The following BRD7 variants were observed in gnomAD, a reference collection of about 807,000 sequenced individuals.
BRD7 encodes bromodomain-containing protein 7.
Under a neutral mutation model 82.1 loss-of-function variants are expected in BRD7, and 15 were observed. The ratio of observed to expected loss-of-function variants is 0.18; its 90% CI spans 0.12 to 0.28. The LOEUF (loss-of-function observed/expected upper bound fraction) is 0.28, where lower values mean the gene tolerates loss of function less well. BRD7 is among the 10% of genes least tolerant of loss of function. The probability of loss-of-function intolerance (pLI) is 1.00; values close to 1 mark genes in which losing one functional copy is unlikely to be tolerated. For synonymous variants in BRD7, 232 were observed against 266.9 expected (o/e 0.87, Z 1.27); for missense variants, 638 against 779.9 (o/e 0.82, Z 2.17).
In BRD7 at chr16:50,320,707, G is replaced by T. The variant is rs574972855; in HGVS notation, c.1568C>A (p.Ala523Glu). The T allele has an allele frequency of 6.2e-7, 1 of 1,614,020 alleles. No homozygotes were observed. Among genetic ancestry groups the T allele is most frequent in the African/African-American group, 1.3e-5 (1 of 74,922 alleles). ...STQDRLIALK[A>E]VTNFGVPVEV... ...AACTGGAACGCCAAAATTTGTTACT[G>T]CTTTCAGCGCTATGAGCCTGTCTTG... The change falls in exon 14 of 17, where the codon GCA becomes GAA. Residue 523 changes from alanine (A) to glutamate (E), a missense_variant. Transcript: ENST00000394688.
rs1368318728 is a variant in BRD7 at position 50,316,696 on chromosome 16, T to C, written c.*2515A>G. ...AATGCAAAAAGCCAGGTTTTGGGGA[T>C]GTGTCTTACTGTGCTTCAACTTCCC... On this transcript the variant is annotated 3_prime_UTR_variant, in exon 17 of 17. Transcript: ENST00000394688. 1 of 152,340 alleles carries C rather than the reference T, an allele frequency of 6.6e-6. No individual in the cohort carries two copies. The highest frequency in any genetic ancestry group is 1.5e-5 in the Non-Finnish European group (1 of 68,040). 9.4% of individuals were successfully genotyped at this position (152,340 alleles called of 1,614,324 possible).
intron 14 of BRD7, 115 bp downstream of exon 14, chr16:50,320,547 TG>T: frequency 7.1e-7 from 1 of 1,411,064 alleles, no homozygotes; most frequent in Non-Finnish European, 1.0e-6. Context: ...TCATTTAACT[TG>T]GTAAGCCAAG....
intron 5 of BRD7, among the ~76,000 whole-genome samples, chr16:50,348,533 A>G (rs2038381920): frequency 6.6e-6 from 1 of 152,252 alleles, no homozygotes; most frequent in Non-Finnish European, 1.5e-5. Context: ...GCTAATATCC[A>G]GAATCTACAA....
At chr16:50,364,719 A>T (rs886974516) in intron 2 of BRD7, among the ~76,000 whole-genome samples, 1 of 152,254 alleles carries the variant, frequency 6.6e-6, no homozygotes, top group Non-Finnish European at 1.5e-5. Context: ...GTGTACAAAG[A>T]TGTGTGTACA....
Position 50,319,064 on chromosome 16 carries a change from C to CAAGT in BRD7, c.*143_*146dup. 1.3e-6 allele frequency: 1 copy of CAAGT among 748,334 alleles called. No homozygotes were observed. The highest frequency in any genetic ancestry group is 2.2e-6 in the Non-Finnish European group (1 of 463,382). The allele number at this position is 748,334 out of a possible 1,614,324, so 46.4% of individuals were successfully genotyped here. On this transcript the variant is annotated 3_prime_UTR_variant, in exon 17 of 17. Transcript: ENST00000394688. ...CCAGGTCCAGCTTTATTACCTAATA[C>CAAGT]AAGTCCAACCTCTGGAACATCCAAA...
intron 11 of BRD7, among the ~76,000 whole-genome samples, chr16:50,324,665 A>G (rs756999675): frequency 4.6e-5 from 7 of 152,006 alleles, no homozygotes; most frequent in Non-Finnish European, 1.0e-4. Context: ...TTTTTGCTCA[A>G]CTTTCCCTTT....
intron 4 of BRD7, among the ~76,000 whole-genome samples, chr16:50,353,582 A>G (rs749270890): frequency 6.6e-6 from 1 of 151,356 alleles, no homozygotes; most frequent in Non-Finnish European, 1.5e-5. Flanking sequence ...CAAAATAAAT[A>G]TATTTTATTT....
At chr16:50,331,119 G>A (rs1226476574) in intron 8 of BRD7, among the ~76,000 whole-genome samples, 1 of 152,096 alleles carries the variant, frequency 6.6e-6, no homozygotes, top group African/African-American at 2.4e-5. Flanking sequence ...TATATGTAAA[G>A]AGGTGAAAGA....
At chr16:50,321,838 G>C (rs760893445) in intron 13 of BRD7, 144 bp downstream of exon 13, 24 of 710,536 alleles carry the variant, frequency 3.4e-5, no homozygotes, top group Non-Finnish European at 5.5e-5. Flanking sequence ...ATGCATTTAT[G>C]GTTTGCCATT....
chr16:50,340,459 T>TA (rs1239889312), intron 5 of BRD7, among the ~76,000 whole-genome samples: 4 of 151,934 alleles, frequency 2.6e-5, no homozygotes, highest in South Asian at 4.1e-4. Context: ...TTCATGTAAA[T>TA]AAAAAAAATA....
At chr16:50,362,751 G>C (rs911947367) in intron 2 of BRD7, among the ~76,000 whole-genome samples, 41 of 152,214 alleles carry the variant, frequency 2.7e-4, no homozygotes, top group Admixed American at 5.9e-4. Context: ...CACAGAGACA[G>C]AAAGTGGAAT....
intron 2 of BRD7, among the ~76,000 whole-genome samples, chr16:50,363,672 CGTGCGCGT>C (rs879908938): frequency 1.5e-3 from 96 of 63,484 alleles, no homozygotes; most frequent in Non-Finnish European, 3.7e-3. Context: ...CGCGCGCGCG[CGTGCGCGT>C]GTGCTTCCCC....
chr16:50,352,230 G>C (rs1567282482), intron 4 of BRD7, among the ~76,000 whole-genome samples: 1 of 152,152 alleles, frequency 6.6e-6, no homozygotes, highest in Non-Finnish European at 1.5e-5. Flanking sequence ...AAAGTTTGAG[G>C]GCGGTATATC....
intron 4 of BRD7, 55 bp from the exon 5 acceptor site, chr16:50,350,222 AT>A (rs1007730258): frequency 1.3e-5 from 18 of 1,370,876 alleles, no homozygotes; most frequent in Middle Eastern, 3.7e-4. Context: ...AAACAAATCT[AT>A]TGGTCTAGGA....
intron 15 of BRD7, 24 bp downstream of exon 15, chr16:50,320,221 TCTC>T (rs758808958): frequency 1.3e-6 from 2 of 1,597,842 alleles, no homozygotes; most frequent in Non-Finnish European, 1.7e-6. Context: ...ATCCCGTGAC[TCTC>T]CTCTTATGGG....
chr16:50,328,388 C>A (rs950819290), intron 9 of BRD7, among the ~76,000 whole-genome samples: 1 of 152,164 alleles, frequency 6.6e-6, no homozygotes, highest in Non-Finnish European at 1.5e-5. Flanking sequence ...AAAACCAGGG[C>A]TAGGAATTAC....
At chr16:50,346,530 TAAG>T (rs1367622473) in intron 5 of BRD7, among the ~76,000 whole-genome samples, 2 of 151,854 alleles carry the variant, frequency 1.3e-5, no homozygotes, top group Non-Finnish European at 2.9e-5. Context: ...CTAGCAAGAC[TAAG>T]AAGAAAACAG....
chr16:50,331,809 G>A (rs1042138009), intron 8 of BRD7, among the ~76,000 whole-genome samples: 1 of 152,108 alleles, frequency 6.6e-6, no homozygotes, highest in African/African-American at 2.4e-5. Context: ...CAGACCAATG[G>A]AACAGAATAG....
chr16:50,364,559 C>T (rs912089387), intron 2 of BRD7, among the ~76,000 whole-genome samples: 3 of 152,162 alleles, frequency 2.0e-5, no homozygotes, highest in African/African-American at 7.2e-5. Flanking sequence ...CCAGAAGAGA[C>T]TGTGGATATG....
Sources: allele counts gnomAD v4.1 joint callset (sites outside exome capture counted in the v4.1 genomes callset), GRCh38; gene constraint gnomAD v4.1.1; transcripts MANE v1.5; gene names NCBI Gene and HGNC (gene_info 2026-07-23, HGNC 2026-07-21).